Variants in BCAR3 observed in about 807,000 individuals in gnomAD.
BCAR3 encodes the protein BCAR3 adaptor protein, NSP family member.
Under a neutral mutation model 80.1 loss-of-function variants are expected in BCAR3, and 37 were observed. The observed-to-expected ratio is 0.46, with a 90% CI of 0.36 to 0.61. BCAR3 has a LOEUF of 0.61. BCAR3 is among the 20% of genes least tolerant of loss of function. The pLI, the probability that BCAR3 is intolerant of heterozygous loss-of-function variation, is 0.00. For synonymous variants in BCAR3, 389 were observed against 418.9 expected (o/e 0.93, Z 0.87); for missense variants, 978 against 1,068.2 (o/e 0.92, Z 1.18).
rs1674271262 is a variant in BCAR3, at chr1:93,592,956, AATAAC to A, written c.358-568_358-564del. 2.0e-5 allele frequency among the ~76,000 whole-genome samples: 3 copies of A among 152,374 alleles called. No homozygotes were observed. The South Asian group carries it at 6.2e-4, about 32-fold the overall frequency. On this transcript the variant is annotated intron_variant, in intron 3 of 11. Transcript: ENST00000260502. The surrounding 1 kb of genome is among the most constrained non-coding windows in gnomAD (Gnocchi z 4.8). The stretch of plus-strand genomic sequence containing the variant: ...GAGCAATTTTATGTCTCTTGAATCT[AATAAC>A]AGAAGTCTGTCTTTATTTCACATTT...
chr1:93,663,936 TTC>T (rs1647777945), intron 2 of BCAR3, among the ~76,000 whole-genome samples: 1 of 152,176 alleles, frequency 6.6e-6, no homozygotes, highest in African/African-American at 2.4e-5. Flanking sequence ...TGAACTGTGT[TTC>T]TCTTTTTAAA....
intron 3 of BCAR3, among the ~76,000 whole-genome samples, chr1:93,631,835 G>A (rs933587262): frequency 2.6e-5 from 4 of 152,106 alleles, no homozygotes; most frequent in Non-Finnish European, 5.9e-5. Flanking sequence ...GCAGCTCCAG[G>A]GTTTGACCTT....
At chr1:93,846,810 C>T (rs1571169798) in intron 1 of BCAR3, 1 of 467,786 alleles carries the variant, frequency 2.1e-6, no homozygotes, top group African/African-American at 2.1e-5. Flanking sequence ...AAGACGAGCT[C>T]TCGGAGGATG....
At chr1:93,822,581 T>G (rs1654265767) in intron 2 of BCAR3, among the ~76,000 whole-genome samples, 1 of 152,074 alleles carries the variant, frequency 6.6e-6, no homozygotes, top group Non-Finnish European at 1.5e-5. Flanking sequence ...CAAAGTAATC[T>G]GCCCGCCTCG....
chr1:93,669,188 C>T lies in BCAR3; in HGVS notation c.317+5426G>A, dbSNP rs116237612. ...CCTGAGCTAAAGGCTGGTGTATTTG[C>T]GTGTCTGAGGGAACATCTTGCTTTG... On this transcript the variant is annotated intron_variant, in intron 2 of 11. Transcript: ENST00000260502. 4.0e-3 allele frequency among the ~76,000 whole-genome samples: 612 copies of T among 152,240 alleles called. 2 individuals carry two copies. Among genetic ancestry groups the T allele is most frequent in the African/African-American group, 0.014 (581 of 41,542 alleles).
chr1:93,664,890 T>C (rs867438589), intron 2 of BCAR3, among the ~76,000 whole-genome samples: 39 of 152,180 alleles, frequency 2.6e-4, no homozygotes, highest in African/African-American at 8.2e-4. Flanking sequence ...GGCTGCTATC[T>C]ATCTGCCCTT....
intron 2 of BCAR3, among the ~76,000 whole-genome samples, chr1:93,783,046 A>G (rs1441088415): frequency 6.6e-6 from 1 of 152,240 alleles, no homozygotes; most frequent in Non-Finnish European, 1.5e-5. Flanking sequence ...GGCAAAATCT[A>G]AGAAGATTGA....
chr1:93,817,797 C>G (rs77495330), intron 2 of BCAR3, among the ~76,000 whole-genome samples: 3,983 of 152,326 alleles, frequency 0.026, 75 homozygotes, highest in Non-Finnish European at 0.036. Flanking sequence ...TTTACCCCCC[C>G]ACATCCCTGC....
chr1:93,709,255 G>A (rs1177309564), intron 2 of BCAR3, among the ~76,000 whole-genome samples: 4 of 152,180 alleles, frequency 2.6e-5, no homozygotes, highest in African/African-American at 9.6e-5. Context: ...GGCCTTCCTG[G>A]AGGTGGGCAC....
rs1333555709 is a variant in BCAR3, at chr1:93,589,189, C to T, written c.717G>A (p.Arg239=). The T allele has an allele frequency of 6.2e-7, 1 of 1,613,666 alleles. No homozygotes were observed. The highest frequency in any genetic ancestry group is 2.2e-5 in the East Asian group (1 of 44,872). Residue 239 remains arginine, a synonymous_variant, in exon 5 of 12, where the codon CGG becomes CGA. Coordinates refer to ENST00000260502, the MANE Select transcript of BCAR3 (RefSeq NM_003567.4). Reference sequence around the variant, plus strand: ...TGGCGCCACTCTGCTGGGAGATGGGCCGGCGGTTGCCCACGTAGCAGCGCA... The same window carrying T: ...TGGCGCCACTCTGCTGGGAGATGGGTCGGCGGTTGCCCACGTAGCAGCGCA... The part of the protein sequence containing the change: ...GLVRCYVGNR[R]PISQQSGAII...
intron 2 of BCAR3, among the ~76,000 whole-genome samples, chr1:93,643,226 T>G (rs1341836716): frequency 8.3e-6 from 1 of 121,128 alleles, no homozygotes; most frequent in Non-Finnish European, 1.7e-5. Context: ...AAACTCCATC[T>G]CAAAAAAAAA....
In BCAR3 at chr1:93,567,704, G is replaced by A. The variant is rs182334304; in HGVS notation, c.2086+36C>T. Reference sequence around the variant, plus strand: ...GTGTACTTGTACTCCACTCCCCAGCGGGGTAGCCCCATGCTTGCTCTGCCC... The same window carrying A: ...GTGTACTTGTACTCCACTCCCCAGCAGGGTAGCCCCATGCTTGCTCTGCCC... On this transcript the variant is annotated intron_variant, in intron 10 of 11. Coordinates refer to ENST00000260502, the MANE Select transcript of BCAR3 (RefSeq NM_003567.4). The A allele has an allele frequency of 1.1e-4, 176 of 1,572,404 alleles. No homozygotes were observed. In the East Asian group the frequency reaches 2.9e-3, roughly 26 times the overall value.
chr1:93,694,159 C>A (rs1649300757), intron 3 of BCAR3, among the ~76,000 whole-genome samples: 1 of 152,232 alleles, frequency 6.6e-6, no homozygotes, highest in Non-Finnish European at 1.5e-5. Context: ...TTGCCCAGCT[C>A]CTGGTGGAAC....
intron 3 of BCAR3, among the ~76,000 whole-genome samples, chr1:93,690,520 G>A (rs146975206): frequency 6.6e-6 from 1 of 152,234 alleles, no homozygotes; most frequent in Non-Finnish European, 1.5e-5. Flanking sequence ...TCTGAACCCA[G>A]GCCATCTAGT....
At chr1:93,663,825 G>A (rs1647771887) in intron 2 of BCAR3, among the ~76,000 whole-genome samples, 1 of 152,212 alleles carries the variant, frequency 6.6e-6, no homozygotes, top group Non-Finnish European at 1.5e-5. Flanking sequence ...TCAGACTGGA[G>A]TCAGTCTTTC....
At chr1:93,725,695 T>C (rs1650557841) in intron 2 of BCAR3, among the ~76,000 whole-genome samples, 1 of 152,352 alleles carries the variant, frequency 6.6e-6, no homozygotes, top group South Asian at 2.1e-4. Flanking sequence ...GCCATAAAGA[T>C]ATTCTTCAGT....
chr1:93,594,666 C>A (rs1674351589), intron 3 of BCAR3: 2 of 152,288 alleles, frequency 1.3e-5, no homozygotes, highest in African/African-American at 4.8e-5. Flanking sequence ...CATTGAGTCA[C>A]CCTGACAGGC....
At chr1:93,672,135 C>T (rs1648240597) in intron 2 of BCAR3, among the ~76,000 whole-genome samples, 1 of 152,206 alleles carries the variant, frequency 6.6e-6, no homozygotes, top group South Asian at 2.1e-4. Context: ...AAGTCTTCCA[C>T]AGCCTGGACT....
intron 1 of BCAR3, among the ~76,000 whole-genome samples, chr1:93,680,378 C>T (rs948742393): frequency 1.8e-4 from 27 of 152,216 alleles, no homozygotes; most frequent in African/African-American, 6.3e-4. Flanking sequence ...TTTACGTTAT[C>T]CTCAATACCC....
Sources: gnomAD v4.1 joint callset for allele counts (sites outside exome capture counted in the v4.1 genomes callset) on GRCh38, gnomAD v4.1.1 for gene constraint, Gnocchi (gnomAD v3.1) non-coding constraint, MANE v1.5 for transcripts, NCBI Gene and HGNC (gene_info 2026-07-23, HGNC 2026-07-21) for gene names.